Variants in CCDC122 observed in about 807,000 individuals in gnomAD.
CCDC122 encodes the protein coiled-coil domain-containing protein 122.
A neutral mutation model predicts 37.0 loss-of-function variants in CCDC122; 38 were observed. That is an observed-to-expected ratio of 1.03 (90% CI 0.79 to 1.35). The LOEUF (loss-of-function observed/expected upper bound fraction) is 1.35, where lower values mean the gene tolerates loss of function less well. Among genes scored for constraint, CCDC122 ranks in the 40% most tolerant of loss-of-function variants. The pLI is 0.00. For missense variants in CCDC122, 305 were observed against 310.0 expected (o/e 0.98, Z 0.12); for synonymous variants, 83 against 95.6 (o/e 0.87, Z 0.77).
chr13:43,869,296 T>A, intron 3 of CCDC122, 35 bp downstream of exon 3: 1 of 1,510,392 alleles, frequency 6.6e-7, no homozygotes, highest in South Asian at 1.1e-5. Context: ...GTTGCTGATC[T>A]TTTAATTATT....
intron 6 of CCDC122, among the ~76,000 whole-genome samples, chr13:43,853,336 C>A (rs555392923): frequency 3.3e-5 from 5 of 152,194 alleles, no homozygotes; most frequent in African/African-American, 1.2e-4. Flanking sequence ...TCAGGAGTTG[C>A]AATCCTGGTT....
chr13:43,836,102 TG>T (rs1953153625), downstream of CCDC122, among the ~76,000 whole-genome samples: 1 of 152,252 alleles, frequency 6.6e-6, no homozygotes. Context: ...TTTTTGATGC[TG>T]TTTGAAATTA....
At chr13:43,864,104 T>C (rs981817551) in intron 4 of CCDC122, among the ~76,000 whole-genome samples, 1 of 152,216 alleles carries the variant, frequency 6.6e-6, no homozygotes, top group African/African-American at 2.4e-5. Context: ...GAAAAGATTA[T>C]CCTTCTCTAC....
At chr13:43,826,192 C>T (rs1388159293) in intron 3 of CCDC122, among the ~76,000 whole-genome samples, 3 of 152,036 alleles carry the variant, frequency 2.0e-5, no homozygotes, top group Non-Finnish European at 4.4e-5. Flanking sequence ...GTACATTTAG[C>T]CTTTCATTTT....
intron 6 of CCDC122, among the ~76,000 whole-genome samples, chr13:43,852,677 C>T (rs2153873215): frequency 1.3e-5 from 2 of 151,930 alleles, no homozygotes; most frequent in African/African-American, 4.8e-5. Context: ...CCCCAAGATG[C>T]ATAATTTTCA....
intron 2 of CCDC122, among the ~76,000 whole-genome samples, chr13:43,874,509 T>C (rs1489322605): frequency 6.6e-6 from 1 of 152,162 alleles, no homozygotes; most frequent in Non-Finnish European, 1.5e-5. Context: ...ATTTATACAA[T>C]AAAAATAAAG....
At chr13:43,867,698 G>C (rs10507521) in intron 4 of CCDC122, among the ~76,000 whole-genome samples, 24,751 of 152,016 alleles carry the variant, frequency 0.16, 2,125 homozygotes, top group Middle Eastern at 0.2. Context: ...ATGGAATAAA[G>C]TCTATGAAAC....
rs75790836 is a variant in CCDC122 at position 43,838,552 on chromosome 13, G to A, written c.673-1123C>T. On this transcript the variant is annotated intron_variant, in intron 6 of 6. Coordinates refer to ENST00000444614, the MANE Select transcript of CCDC122 (RefSeq NM_144974.5). ...CCATCCTTTAAAGTGTACAACTCAA[G>A]GGCCTTTAGTATATTCATAGAGTTG... 2.9e-4 allele frequency among the ~76,000 whole-genome samples: 44 copies of A among 152,114 alleles called. No homozygotes were observed. In the East Asian group the frequency reaches 8.5e-3, roughly 29 times the overall value.
At chr13:43,832,170 T>C (rs2153868492), downstream of CCDC122, among the ~76,000 whole-genome samples, 1 of 150,718 alleles carries the variant, frequency 6.6e-6, no homozygotes, top group African/African-American at 2.4e-5. Context: ...AAATACATTA[T>C]AAATTAAAAT....
intron 2 of CCDC122, among the ~76,000 whole-genome samples, chr13:43,870,141 A>C (rs1954399776): frequency 1.3e-5 from 2 of 152,180 alleles, no homozygotes; most frequent in Admixed American, 6.5e-5. Context: ...AAGTTAAATC[A>C]ATTCCTGTGT....
intron 4 of CCDC122, among the ~76,000 whole-genome samples, chr13:43,861,689 A>T (rs746545146): frequency 3.6e-4 from 55 of 152,312 alleles, no homozygotes; most frequent in Middle Eastern, 6.8e-3. Context: ...TTCACTGAAA[A>T]ATACAATATG....
downstream of CCDC122, among the ~76,000 whole-genome samples, chr13:43,833,965 T>A (rs1953114995): frequency 6.6e-6 from 1 of 152,182 alleles, no homozygotes; most frequent in African/African-American, 2.4e-5. Flanking sequence ...AAAAATAACT[T>A]CAATTTTCTA....
At position 43,836,848 on chromosome 13, in the gene CCDC122, C is replaced by T. The variant is rs564597628; in HGVS notation, c.*432G>A. ...GTCCGGCCTGGGCGACAGAGCGAGA[C>T]TCCGTCTCAAAAAAAAAAAAAAAAA... On this transcript the variant is annotated 3_prime_UTR_variant, in exon 7 of 7. Transcript: ENST00000444614. The T allele has an allele frequency of 9.4e-6, 1 of 106,148 alleles. No individual in the cohort carries two copies. Among genetic ancestry groups the T allele is most frequent in the Non-Finnish European group, 2.0e-5 (1 of 51,030 alleles). 6.6% of individuals were successfully genotyped at this position (106,148 alleles called of 1,614,324 possible).
chr13:43,874,913 T>C lies in CCDC122; in HGVS notation c.-185A>G, dbSNP rs1342341013. Reference sequence around the variant, plus strand: ...TCCTTTTCTGGCCAGGCAATGAGATTAGAGTTTCAGGGCACTGAAAAAGAA... The same window carrying C: ...TCCTTTTCTGGCCAGGCAATGAGATCAGAGTTTCAGGGCACTGAAAAAGAA... On this transcript the variant is annotated 5_prime_UTR_variant, in exon 2 of 7. Transcript: ENST00000444614. 6.6e-6 allele frequency: 1 copy of C among 152,248 alleles called. No individual in the cohort carries two copies. The highest frequency in any genetic ancestry group is 1.5e-5 in the Non-Finnish European group (1 of 68,038). 9.4% of individuals were successfully genotyped at this position (152,248 alleles called of 1,614,324 possible).
At chr13:43,845,889 A>T (rs1953511083) in intron 6 of CCDC122, among the ~76,000 whole-genome samples, 1 of 152,138 alleles carries the variant, frequency 6.6e-6, no homozygotes, top group South Asian at 2.1e-4. Context: ...CTTTACCCAC[A>T]ATATCAATCA....
At position 43,868,794 on chromosome 13, in the gene CCDC122, T is replaced by C; in HGVS notation, c.56A>G (p.Asp19Gly). The change falls in exon 4 of 7, where the codon GAC becomes GGC. Residue 19 changes from aspartate (D) to glycine (G), a missense_variant. Coordinates refer to ENST00000444614, the MANE Select transcript of CCDC122 (RefSeq NM_144974.5). Reference protein sequence around the residue: ...SQGFPKEDNQDTSSLADAVEK... With the variant: ...SQGFPKEDNQGTSSLADAVEK... Reference sequence around the variant, plus strand: ...TACAGCATCAGCTAATGAACTTGTGTCTTGGTTATCTACAATTAGACAAAA... The same window carrying C: ...TACAGCATCAGCTAATGAACTTGTGCCTTGGTTATCTACAATTAGACAAAA... 8 of 1,490,286 alleles carry C rather than the reference T, an allele frequency of 5.4e-6. No individual in the cohort carries two copies. The highest frequency in any genetic ancestry group is 1.4e-5 in the South Asian group (1 of 72,200). The allele number at this position is 1,490,286 out of a possible 1,614,324, so 92.3% of individuals were successfully genotyped here.
chr13:43,829,812 G>C (rs1477934152), intron 3 of CCDC122, among the ~76,000 whole-genome samples: 1 of 152,160 alleles, frequency 6.6e-6, no homozygotes, highest in African/African-American at 2.4e-5. Flanking sequence ...CTAAAAAATT[G>C]TGTGACCTCA....
chr13:43,830,775 G>A (rs1216440177), intron 3 of CCDC122, among the ~76,000 whole-genome samples: 1 of 152,198 alleles, frequency 6.6e-6, no homozygotes, highest in African/African-American at 2.4e-5. Context: ...TAAGATCTAA[G>A]TTGAGGCCAC....
intron 6 of CCDC122, among the ~76,000 whole-genome samples, chr13:43,841,630 C>G (rs531371295): frequency 6.6e-6 from 1 of 152,128 alleles, no homozygotes; most frequent in Non-Finnish European, 1.5e-5. Context: ...TCTTTCTTTA[C>G]GCATCCTGGA....
Sources: allele counts gnomAD v4.1 joint callset (sites outside exome capture counted in the v4.1 genomes callset), GRCh38; gene constraint gnomAD v4.1.1; transcripts MANE v1.5; gene names NCBI Gene and HGNC (gene_info 2026-07-23, HGNC 2026-07-21).